The following MYO6 variants were observed in gnomAD, a reference collection of about 807,000 sequenced individuals.
MYO6 encodes the protein unconventional myosin-VI.
In MYO6, 74 loss-of-function variants were observed where a neutral mutation model predicts 178.7. That is an observed-to-expected ratio of 0.41 (90% CI 0.34 to 0.50). The LOEUF (loss-of-function observed/expected upper bound fraction) is 0.50, where lower values mean the gene tolerates loss of function less well. Ranked by LOEUF, MYO6 falls within the 20% of genes least tolerant of loss-of-function variation. The probability of loss-of-function intolerance (pLI) is 0.09; values close to 1 mark genes in which losing one functional copy is unlikely to be tolerated. For synonymous variants in MYO6, 477 were observed against 504.6 expected (o/e 0.95, Z 0.73); for missense variants, 1,330 against 1,547.4 (o/e 0.86, Z 2.36).
At chr6:75,875,292 G>A (rs1777487924) in intron 20 of MYO6, among the ~76,000 whole-genome samples, 1 of 151,938 alleles carries the variant, frequency 6.6e-6, no homozygotes, top group African/African-American at 2.4e-5. Context: ...TTTTGGTTGG[G>A]AGGGGCAGGG....
Position 75,770,170 on chromosome 6 carries a change from G to A in MYO6, c.-48+20747G>A, listed in dbSNP as rs545406263. ...GTAACACCACCCACTCTCCCTTTGC[G>A]TTGCACTATGATTGTAAGCTTCATG... is the stretch of plus-strand genomic sequence containing the variant. On this transcript the variant is annotated intron_variant, in intron 1 of 34. Transcript: ENST00000369977. 3.3e-5 allele frequency among the ~76,000 whole-genome samples: 5 copies of A among 152,200 alleles called. No individual in the cohort carries two copies. The South Asian group carries it at 8.3e-4, about 25-fold the overall frequency.
At chr6:75,865,537 A>T (rs1157718723) in intron 16 of MYO6, among the ~76,000 whole-genome samples, 1 of 150,404 alleles carries the variant, frequency 6.6e-6, no homozygotes, top group Non-Finnish European at 1.5e-5. Flanking sequence ...CTAATTTTGC[A>T]TATTTTTTAT....
intron 1 of MYO6, among the ~76,000 whole-genome samples, chr6:75,758,041 G>T (rs144713758): frequency 7.2e-6 from 1 of 138,974 alleles, no homozygotes; most frequent in South Asian, 2.4e-4. Flanking sequence ...GCAGTAGCGC[G>T]ATCTTGGCTC....
At chr6:75,779,692 T>A (rs1766765948) in intron 1 of MYO6, among the ~76,000 whole-genome samples, 1 of 152,214 alleles carries the variant, frequency 6.6e-6, no homozygotes, top group South Asian at 2.1e-4. Context: ...TTTCTATGGC[T>A]GTTTAAAAAG....
chr6:75,817,628 C>T lies in MYO6; in HGVS notation c.81C>T (p.Asp27=), dbSNP rs763281411. The T allele has an allele frequency of 6.2e-7, 1 of 1,614,140 alleles. No individual in the cohort carries two copies. ...QMGNIVDIGP[D]SLTIEPLNQK... ...GCAATATTGTGGATATTGGCCCCGACAGCTTAACAATTGAACCCTTGAATC... is the reference window on the plus strand; with the variant it reads ...GCAATATTGTGGATATTGGCCCCGATAGCTTAACAATTGAACCCTTGAATC... The change falls in exon 2 of 35, where the codon GAC becomes GAT. Residue 27 remains aspartate, a synonymous_variant. Transcript: ENST00000369977.
At chr6:75,862,099 CA>C (rs1355493770) in intron 15 of MYO6, among the ~76,000 whole-genome samples, 1 of 152,128 alleles carries the variant, frequency 6.6e-6, no homozygotes, top group Non-Finnish European at 1.5e-5. Context: ...TGTATTCAAG[CA>C]GTTTACATTT....
intron 22 of MYO6, among the ~76,000 whole-genome samples, chr6:75,880,565 C>T (rs1777929597): frequency 6.6e-6 from 1 of 152,180 alleles, no homozygotes; most frequent in Non-Finnish European, 1.5e-5. Context: ...CTGTCCTGGG[C>T]CACATGTGGC....
Position 75,915,921 on chromosome 6 carries a change from T to C in MYO6, c.*909T>C, listed in dbSNP as rs1781093487. Reference sequence around the variant, plus strand: ...TTCATTGATTTAGTAAGTGTTCTGCTTCCAACATCTTTCTTTTTAAGAAAT... The same window carrying C: ...TTCATTGATTTAGTAAGTGTTCTGCCTCCAACATCTTTCTTTTTAAGAAAT... On this transcript the variant is annotated 3_prime_UTR_variant, in exon 35 of 35. Coordinates refer to ENST00000369977, the MANE Select transcript of MYO6 (RefSeq NM_004999.4). 1 of 152,640 alleles carries C rather than the reference T, an allele frequency of 6.6e-6. No homozygotes were observed. The highest frequency in any genetic ancestry group is 2.4e-5 in the African/African-American group (1 of 41,458). The allele number at this position is 152,640 out of a possible 1,614,324, so 9.5% of individuals were successfully genotyped here.
chr6:75,853,646 A>T (rs989390886), intron 11 of MYO6, among the ~76,000 whole-genome samples: 4 of 151,926 alleles, frequency 2.6e-5, no homozygotes, highest in Admixed American at 6.6e-5. Flanking sequence ...CATTTTTCAC[A>T]TTTTTTTCTC....
At chr6:75,894,640 GTTTAT>G (rs1325593316) in intron 28 of MYO6, among the ~76,000 whole-genome samples, 1 of 152,142 alleles carries the variant, frequency 6.6e-6, no homozygotes, top group Non-Finnish European at 1.5e-5. Context: ...GTTTTTGAAT[GTTTAT>G]TTTACCTTTG....
rs768187755 is a variant in MYO6 at position 75,817,603 on chromosome 6, G to T, written c.56G>T (p.Gly19Val). Residue 19 changes from glycine (G) to valine (V), a missense_variant, in exon 2 of 35, where the codon GGC (glycine) becomes GTC (valine). This residue lies in a region of MYO6 where 116 missense variants were observed against 104.6 expected (regional missense o/e 1.11). Transcript: ENST00000369977. ...APHPTDGFQMGNIVDIGPDSL... is the reference protein window; with the variant it reads ...APHPTDGFQMVNIVDIGPDSL... Reference sequence around the variant, plus strand: ...CACCCTACAGATGGATTTCAGATGGGCAATATTGTGGATATTGGCCCCGAC... The same window carrying T: ...CACCCTACAGATGGATTTCAGATGGTCAATATTGTGGATATTGGCCCCGAC... 4 of 1,614,164 alleles carry T rather than the reference G, an allele frequency of 2.5e-6. No homozygotes were observed. The highest frequency in any genetic ancestry group is 3.4e-6 in the Non-Finnish European group (4 of 1,180,020).
intron 1 of MYO6, among the ~76,000 whole-genome samples, chr6:75,787,571 G>C (rs920318835): frequency 6.6e-6 from 1 of 150,480 alleles, no homozygotes; most frequent in Non-Finnish European, 1.5e-5. Flanking sequence ...GTGGTGGCCA[G>C]GAGCTAAGAA....
intron 2 of MYO6, among the ~76,000 whole-genome samples, chr6:75,819,133 T>C (rs1278864359): frequency 6.6e-6 from 1 of 152,228 alleles, no homozygotes; most frequent in Non-Finnish European, 1.5e-5. Flanking sequence ...CAGGTACATA[T>C]GTAGAACCAA....
intron 1 of MYO6, among the ~76,000 whole-genome samples, chr6:75,787,360 A>C (rs1165104562): frequency 6.6e-6 from 1 of 152,160 alleles, no homozygotes; most frequent in African/African-American, 2.4e-5. Context: ...CAGCAAATCA[A>C]CAGATAAGCA....
intron 2 of MYO6, among the ~76,000 whole-genome samples, chr6:75,821,370 C>T (rs6933837): frequency 6.6e-6 from 1 of 152,126 alleles, no homozygotes; most frequent in African/African-American, 2.4e-5. Context: ...ATGCATTTTC[C>T]TATAGAATCA....
At chr6:75,833,870 A>C (rs1299337948) in intron 6 of MYO6, among the ~76,000 whole-genome samples, 2 of 152,188 alleles carry the variant, frequency 1.3e-5, no homozygotes, top group African/African-American at 4.8e-5. Flanking sequence ...TGCATACTTC[A>C]TGACATAGTT....
At chr6:75,793,034 C>T (rs1768406518) in intron 1 of MYO6, among the ~76,000 whole-genome samples, 1 of 152,008 alleles carries the variant, frequency 6.6e-6, no homozygotes, top group Admixed American at 6.6e-5. Context: ...CCAAGTGATC[C>T]TCCCACCTCA....
At chr6:75,767,398 T>A (rs1424638458) in intron 1 of MYO6, among the ~76,000 whole-genome samples, 1 of 151,946 alleles carries the variant, frequency 6.6e-6, no homozygotes, top group Non-Finnish European at 1.5e-5. Context: ...TGAATAATAA[T>A]ACATATAAAT....
At position 75,822,938 on chromosome 6, in the gene MYO6, C is replaced by G. The variant is rs1772053523; in HGVS notation, c.187+87C>G. On this transcript the variant is annotated intron_variant, in intron 3 of 34. Transcript: ENST00000369977. The stretch of plus-strand genomic sequence containing the variant: ...TAAATTAGTGGTTATATAACTGATA[C>G]ACTGTGCGGGTTCAGAAACAATCTA... 6.8e-6 allele frequency: 7 copies of G among 1,034,640 alleles called. No individual in the cohort carries two copies. The South Asian group carries it at 9.0e-5, about 13-fold the overall frequency. The allele number at this position is 1,034,640 out of a possible 1,614,324, so 64.1% of individuals were successfully genotyped here.
Sources: allele counts gnomAD v4.1 joint callset (sites outside exome capture counted in the v4.1 genomes callset), GRCh38; gene constraint gnomAD v4.1.1; regional missense constraint gnomAD v4.1.1; transcripts MANE v1.5; gene names NCBI Gene and HGNC (gene_info 2026-07-23, HGNC 2026-07-21).